VTI1A: variants seen among roughly 807,000 people sequenced by gnomAD.
VTI1A encodes vesicle transport through interaction with t-SNAREs 1A.
In VTI1A, 22 loss-of-function variants were observed where a neutral mutation model predicts 34.9. The ratio of observed to expected loss-of-function variants is 0.63; its 90% CI spans 0.45 to 0.90. The LOEUF (loss-of-function observed/expected upper bound fraction) is 0.90, where lower values mean the gene tolerates loss of function less well. VTI1A is among the 40% of genes least tolerant of loss of function. The probability of loss-of-function intolerance (pLI) is 0.00; values close to 1 mark genes in which losing one functional copy is unlikely to be tolerated. For synonymous variants in VTI1A, 87 were observed against 97.3 expected, an observed-to-expected ratio of 0.89 and a Z score of 0.62; for missense variants, 268 against 275.6, an observed-to-expected ratio of 0.97 and a Z score of 0.20.
At chr10:112,711,162 T>C (rs1342022391) in intron 7 of VTI1A, among the ~76,000 whole-genome samples, 3 of 152,252 alleles carry the variant, frequency 2.0e-5, no homozygotes, top group Admixed American at 1.3e-4. Flanking sequence ...TAGCTTCATT[T>C]TGAAAACTTT....
intron 1 of VTI1A, among the ~76,000 whole-genome samples, chr10:112,452,907 A>G (rs978311513): frequency 1.3e-5 from 2 of 152,070 alleles, no homozygotes; most frequent in Non-Finnish European, 1.5e-5. Context: ...TTGATACATT[A>G]TTATTAACTA....
chr10:112,593,737 AT>A (rs1246270010), intron 5 of VTI1A, among the ~76,000 whole-genome samples: 2 of 151,166 alleles, frequency 1.3e-5, no homozygotes, highest in Non-Finnish European at 3.0e-5. Flanking sequence ...TCTTTTTTTT[AT>A]TTTTTTTATT....
rs368748385 is a variant in VTI1A, at chr10:112,801,411, C to T, written c.561-13879C>T. On this transcript the variant is annotated intron_variant, in intron 7 of 7. Coordinates refer to ENST00000393077, the MANE Select transcript of VTI1A (RefSeq NM_145206.4). ...AAGATACTCTCTTTTTAAGACTGTC[C>T]GGAAGTTATATTGCTCTTCACAACC... Among the ~76,000 whole-genome samples, 7 of 152,238 alleles carry T rather than the reference C, an allele frequency of 4.6e-5. No homozygotes were observed. The East Asian group carries it at 9.6e-4, about 21-fold the overall frequency.
chr10:112,687,222 T>TC (rs1848445823), intron 7 of VTI1A, among the ~76,000 whole-genome samples: 2 of 103,476 alleles, frequency 1.9e-5, no homozygotes, highest in Admixed American at 8.5e-5. Context: ...ACTACAACTT[T>TC]TTTTTTTTTT....
intron 7 of VTI1A, among the ~76,000 whole-genome samples, chr10:112,671,600 G>A (rs571913850): frequency 6.6e-6 from 1 of 152,274 alleles, no homozygotes; most frequent in East Asian, 1.9e-4. Context: ...GAACAGAAAT[G>A]GCTTGGCACG....
chr10:112,541,186 A>AT (rs137964705), intron 5 of VTI1A, among the ~76,000 whole-genome samples: 1 of 151,948 alleles, frequency 6.6e-6, no homozygotes, highest in African/African-American at 2.4e-5. Flanking sequence ...GGCCCTTCAA[A>AT]TTTTTTTTCA....
At chr10:112,737,244 T>C (rs113517295) in intron 7 of VTI1A, 35,037 of 835,604 alleles carry the variant, frequency 0.042, 906 homozygotes, top group Middle Eastern at 0.074. Context: ...CTAATTTTTG[T>C]ATTTCTTTTT....
chr10:112,582,164 G>A (rs1388300041), intron 5 of VTI1A, among the ~76,000 whole-genome samples: 1 of 152,132 alleles, frequency 6.6e-6, no homozygotes, highest in Non-Finnish European at 1.5e-5. Flanking sequence ...TTCCTGGCTT[G>A]CAGATGGCTG....
At chr10:112,743,776 G>GA (rs1268985392) in intron 7 of VTI1A, among the ~76,000 whole-genome samples, 1 of 151,850 alleles carries the variant, frequency 6.6e-6, no homozygotes. Flanking sequence ...CTCTTAAAAA[G>GA]AAAAAAATTA....
At chr10:112,586,093 C>T (rs1174798560) in intron 5 of VTI1A, among the ~76,000 whole-genome samples, 4 of 150,874 alleles carry the variant, frequency 2.7e-5, no homozygotes, top group East Asian at 1.9e-4. Flanking sequence ...ATTTCTAACA[C>T]GACTTTGCTC....
chr10:112,542,396 T>C (rs998481052), intron 5 of VTI1A, among the ~76,000 whole-genome samples: 1 of 152,174 alleles, frequency 6.6e-6, no homozygotes, highest in African/African-American at 2.4e-5. Flanking sequence ...AATCACGATC[T>C]GTACCACTTG....
At position 112,816,911 on chromosome 10, in the gene VTI1A, C is replaced by A. The variant is rs1442863310; in HGVS notation, c.*1528C>A. The A allele has an allele frequency of 1.7e-5, 4 of 230,762 alleles. No individual in the cohort carries two copies. The highest frequency in any genetic ancestry group is 3.4e-5 in the Non-Finnish European group (4 of 116,624). The allele number at this position is 230,762 out of a possible 1,614,324, so 14.3% of individuals were successfully genotyped here. On this transcript the variant is annotated 3_prime_UTR_variant, in exon 8 of 8. Coordinates refer to ENST00000393077, the MANE Select transcript of VTI1A (RefSeq NM_145206.4). ...TGCACTTATCGAAACAGGCCAAGGCCTGCATGTGTTCGGATAAATCATTTA... is the reference window on the plus strand; with the variant it reads ...TGCACTTATCGAAACAGGCCAAGGCATGCATGTGTTCGGATAAATCATTTA...
chr10:112,569,114 C>G (rs1045198356), intron 5 of VTI1A, among the ~76,000 whole-genome samples: 1 of 151,546 alleles, frequency 6.6e-6, no homozygotes, highest in African/African-American at 2.4e-5. Context: ...GAGATCGTGC[C>G]ACTGCCCTGC....
At chr10:112,771,084 C>G (rs1564919130) in intron 7 of VTI1A, among the ~76,000 whole-genome samples, 1 of 152,124 alleles carries the variant, frequency 6.6e-6, no homozygotes, top group Non-Finnish European at 1.5e-5. Flanking sequence ...CACACGGGCG[C>G]CCTTTCTAGT....
At chr10:112,654,987 C>T (rs1847175627) in intron 5 of VTI1A, among the ~76,000 whole-genome samples, 2 of 152,260 alleles carry the variant, frequency 1.3e-5, no homozygotes, top group South Asian at 2.1e-4. Flanking sequence ...ACTTTATTTA[C>T]AAAAACAGGC....
chr10:112,775,292 G>A (rs975978328), intron 7 of VTI1A, among the ~76,000 whole-genome samples: 4 of 152,108 alleles, frequency 2.6e-5, no homozygotes, highest in Non-Finnish European at 5.9e-5. Flanking sequence ...GAGCCTCATC[G>A]ATCTCTTATA....
downstream of VTI1A, among the ~76,000 whole-genome samples, chr10:112,820,224 C>G (rs1020822215): frequency 3.3e-5 from 5 of 152,200 alleles, no homozygotes; most frequent in Non-Finnish European, 5.9e-5. Flanking sequence ...TTGGGATGGC[C>G]TTCACACCTC....
At chr10:112,714,910 C>T (rs917913330) in intron 7 of VTI1A, among the ~76,000 whole-genome samples, 2 of 152,180 alleles carry the variant, frequency 1.3e-5, no homozygotes, top group Non-Finnish European at 2.9e-5. Context: ...ATGATGTGCA[C>T]CGTGTTCATG....
rs1029325004 is a variant in VTI1A, at chr10:112,508,323, A to G, written c.265-18764A>G. On this transcript the variant is annotated intron_variant, in intron 3 of 7. Coordinates refer to ENST00000393077, the MANE Select transcript of VTI1A (RefSeq NM_145206.4). The stretch of plus-strand genomic sequence containing the variant: ...TATTGCTGAGCACTCTTTATTTTTC[A>G]TGCTCTTTGTCACCTTCACCAAGTG... Among the ~76,000 whole-genome samples the G allele has an allele frequency of 5.3e-5, 8 of 152,150 alleles. No homozygotes were observed. In the East Asian group the frequency reaches 9.7e-4, roughly 18 times the overall value.
Sources: gnomAD v4.1 joint callset for allele counts (sites outside exome capture counted in the v4.1 genomes callset) on GRCh38, gnomAD v4.1.1 for gene constraint, MANE v1.5 for transcripts, NCBI Gene and HGNC (gene_info 2026-07-23, HGNC 2026-07-21) for gene names.